Variants in ANKRD11 observed in about 807,000 individuals in gnomAD.
ANKRD11 encodes the protein ankyrin repeat domain-containing protein 11.
Under a neutral mutation model 195.7 loss-of-function variants are expected in ANKRD11, and 17 were observed. The ratio of observed to expected loss-of-function variants is 0.09; its 90% CI spans 0.06 to 0.13. The LOEUF is 0.13. Among genes scored for constraint, ANKRD11 ranks in the 10% least tolerant of loss-of-function variants. The pLI is 1.00. For missense variants in ANKRD11, 3,735 were observed against 3,566.1 expected, an observed-to-expected ratio of 1.05 and a Z score of -1.21; for synonymous variants, 1,953 against 1,528.1, an observed-to-expected ratio of 1.28 and a Z score of -6.49.
At position 89,420,880 on chromosome 16, in the gene ANKRD11, T is replaced by C. The variant is rs1423208256; in HGVS notation, c.-144-2512A>G. Among the ~76,000 whole-genome samples, 3 of 152,200 alleles carry C rather than the reference T, an allele frequency of 2.0e-5. No individual in the cohort carries two copies. In the East Asian group the frequency reaches 5.8e-4, roughly 29 times the overall value. Reference sequence around the variant, plus strand: ...TTCTAAGGTGTGAAAAAAAGCTTCATTTAGAATACATGTTCACATCAAAAC... The same window carrying C: ...TTCTAAGGTGTGAAAAAAAGCTTCACTTAGAATACATGTTCACATCAAAAC... On this transcript the variant is annotated intron_variant, in intron 1 of 12. Transcript: ENST00000301030.
At chr16:89,429,678 C>T (rs1223453901) in intron 1 of ANKRD11, among the ~76,000 whole-genome samples, 6 of 51,606 alleles carry the variant, frequency 1.2e-4, no homozygotes, top group East Asian at 8.3e-4. Flanking sequence ...ACAGCAGGGA[C>T]TCTCAACTCT....
chr16:89,280,447 G>A lies in ANKRD11; in HGVS notation c.6095C>T (p.Pro2032Leu), dbSNP rs746355740. 2.8e-5 allele frequency: 45 copies of A among 1,586,582 alleles called. No individual in the cohort carries two copies. Among genetic ancestry groups the A allele is most frequent in the Middle Eastern group, 3.5e-4 (2 of 5,684 alleles). The change falls in exon 9 of 13, where the codon CCG becomes CTG. Residue 2032 changes from proline to leucine, a missense_variant. Transcript: ENST00000301030. Reference protein sequence around the residue: ...PAPYALPVAEPGLEDVKDGVD... With the variant: ...PAPYALPVAELGLEDVKDGVD... ...TCCGTCCTTGACGTCCTCCAGCCCCGGCTCAGCGACGGGCAGAGCGTACGG... is the reference window on the plus strand; with the variant it reads ...TCCGTCCTTGACGTCCTCCAGCCCCAGCTCAGCGACGGGCAGAGCGTACGG...
chr16:89,293,262 A>G (rs2035182208), intron 4 of ANKRD11, among the ~76,000 whole-genome samples: 1 of 152,180 alleles, frequency 6.6e-6, no homozygotes, highest in Non-Finnish European at 1.5e-5. Context: ...GACTTTGCAA[A>G]GCTGCACACA....
chr16:89,293,366 G>A (rs1477509222), intron 4 of ANKRD11, among the ~76,000 whole-genome samples: 2 of 152,120 alleles, frequency 1.3e-5, no homozygotes, highest in African/African-American at 4.8e-5. Context: ...GCTGCATGTG[G>A]CCACTAGGGG....
chr16:89,490,450 C>T lies in ANKRD11; in HGVS notation c.-350G>A. 2.7e-6 allele frequency: 1 copy of T among 368,998 alleles called. No individual in the cohort carries two copies. Among genetic ancestry groups the T allele is most frequent in the Non-Finnish European group, 4.9e-6 (1 of 205,954 alleles). 22.9% of individuals were successfully genotyped at this position (368,998 alleles called of 1,614,324 possible). A position where few individuals can be genotyped will look rare whatever the true frequency, so the allele number is the denominator to read the frequency against. On this transcript the variant is annotated 5_prime_UTR_variant, in exon 1 of 13. Coordinates refer to ENST00000301030, the MANE Select transcript of ANKRD11 (RefSeq NM_013275.6). ...GGCGCGCCCACGGCTCGGGCGAGAGCCGCGGCTCCCGGTGCGGACGCTACT... is the reference window on the plus strand; with the variant it reads ...GGCGCGCCCACGGCTCGGGCGAGAGTCGCGGCTCCCGGTGCGGACGCTACT...
intron 1 of ANKRD11, among the ~76,000 whole-genome samples, chr16:89,446,249 T>G (rs764605584): frequency 6.6e-6 from 1 of 152,226 alleles, no homozygotes; most frequent in South Asian, 2.1e-4. Flanking sequence ...GAAAACAGCT[T>G]CTAATATGAA....
At chr16:89,401,815 G>A (rs996655238) in intron 2 of ANKRD11, among the ~76,000 whole-genome samples, 17 of 152,118 alleles carry the variant, frequency 1.1e-4, no homozygotes, top group Admixed American at 8.5e-4. Flanking sequence ...AGAGGGAGGC[G>A]GAGATCGTGG....
intron 12 of ANKRD11, among the ~76,000 whole-genome samples, chr16:89,269,013 T>G (rs2032890702): frequency 6.6e-6 from 1 of 152,244 alleles, no homozygotes; most frequent in Admixed American, 6.5e-5. Context: ...ATTTTACAAT[T>G]ACTTACGGCC....
At chr16:89,290,433 G>T (rs1417440163) in intron 6 of ANKRD11, among the ~76,000 whole-genome samples, 192 bp downstream of exon 6, 1 of 90,858 alleles carries the variant, frequency 1.1e-5, no homozygotes, top group East Asian at 2.4e-4. Flanking sequence ...TCCAATGGGG[G>T]GAGGCTCAGG....
chr16:89,323,219 G>T, intron 2 of ANKRD11: 3 of 1,002,710 alleles, frequency 3.0e-6, no homozygotes, highest in Non-Finnish European at 4.1e-6. Flanking sequence ...CGGACTGAGC[G>T]GAGGAAAAAA....
chr16:89,275,297 G>C, intron 9 of ANKRD11, 106 bp from the exon 10 acceptor site: 1 of 959,846 alleles, frequency 1.0e-6, no homozygotes, highest in South Asian at 1.5e-5. Context: ...CCACTCCTAG[G>C]AGCCTGCCCT....
chr16:89,341,425 C>T (rs928766046), intron 2 of ANKRD11, among the ~76,000 whole-genome samples: 7 of 152,204 alleles, frequency 4.6e-5, no homozygotes, highest in African/African-American at 1.7e-4. Context: ...GAACAGACCC[C>T]ACCAAGCAGC....
In ANKRD11 at chr16:89,282,292, T is replaced by C; in HGVS notation, c.4250A>G (p.Asp1417Gly). ...NMKADIEDELDKTIELFSTEK... is the reference protein window; with the variant it reads ...NMKADIEDELGKTIELFSTEK... ...GGTAGAAAACAATTCAATGGTTTTA[T>C]CTAGCTCATCTTCTATGTCAGCTTT... The change falls in exon 9 of 13, where the codon GAT (aspartate) becomes GGT (glycine). Residue 1417 changes from aspartate to glycine, a missense_variant. Asp to Gly is a moderately conservative substitution (Grantham distance 94). Transcript: ENST00000301030. 6.2e-7 allele frequency: 1 copy of C among 1,614,228 alleles called. No individual in the cohort carries two copies. Among genetic ancestry groups the C allele is most frequent in the Non-Finnish European group, 8.5e-7 (1 of 1,180,042 alleles).
At chr16:89,322,991 G>GTGGCACCA in intron 2 of ANKRD11, 1 of 291,854 alleles carries the variant, frequency 3.4e-6, no homozygotes, top group Non-Finnish European at 6.7e-6. Context: ...GTACAGGCCC[G>GTGGCACCA]TGGCACCATG....
chr16:89,436,499 C>A (rs1201327157), intron 1 of ANKRD11, among the ~76,000 whole-genome samples: 1 of 152,086 alleles, frequency 6.6e-6, no homozygotes, highest in East Asian at 1.9e-4. Context: ...CTGTCTCTAA[C>A]AGCAAGTATT....
chr16:89,337,275 G>A (rs1372010709), intron 2 of ANKRD11, among the ~76,000 whole-genome samples: 3 of 151,942 alleles, frequency 2.0e-5, no homozygotes, highest in Admixed American at 6.6e-5. Flanking sequence ...CCAAGGAAAC[G>A]TCAGAAAGGA....
intron 1 of ANKRD11, among the ~76,000 whole-genome samples, chr16:89,459,897 C>T (rs2056590960): frequency 6.6e-6 from 1 of 151,314 alleles, no homozygotes; most frequent in Admixed American, 6.6e-5. Flanking sequence ...CGTGTCACTG[C>T]ACTCCATCCT....
intron 4 of ANKRD11, among the ~76,000 whole-genome samples, chr16:89,303,860 C>T (rs1473439539): frequency 6.6e-6 from 1 of 152,214 alleles, no homozygotes; most frequent in Non-Finnish European, 1.5e-5. Flanking sequence ...CAACAATCTC[C>T]TTCGTATCAC....
intron 4 of ANKRD11, among the ~76,000 whole-genome samples, chr16:89,297,263 C>A (rs898477648): frequency 6.6e-6 from 1 of 152,188 alleles, no homozygotes; most frequent in Non-Finnish European, 1.5e-5. Flanking sequence ...GCAACTCCTG[C>A]GTCCCACCGT....
Sources: allele counts gnomAD v4.1 joint callset (sites outside exome capture counted in the v4.1 genomes callset), GRCh38; gene constraint gnomAD v4.1.1; transcripts MANE v1.5; gene names NCBI Gene and HGNC (gene_info 2026-07-23, HGNC 2026-07-21).